Variants in LRRC8D observed in about 807,000 individuals in gnomAD.
LRRC8D encodes the protein volume-regulated anion channel subunit LRRC8D.
A neutral mutation model predicts 55.8 loss-of-function variants in LRRC8D; 20 were observed. That is an observed-to-expected ratio of 0.36 (90% CI 0.25 to 0.52). The LOEUF is 0.52. Among genes scored for constraint, LRRC8D ranks in the 20% least tolerant of loss-of-function variants. The pLI, the probability that LRRC8D is intolerant of heterozygous loss-of-function variation, is 0.93. For synonymous variants in LRRC8D, 352 were observed against 377.0 expected, an observed-to-expected ratio of 0.93 and a Z score of 0.77; for missense variants, 651 against 1,030.8, an observed-to-expected ratio of 0.63 and a Z score of 5.05.
At chr1:89,853,594 A>ATGTTATTGTCTT (rs1661477896) in intron 2 of LRRC8D, among the ~76,000 whole-genome samples, 1 of 152,192 alleles carries the variant, frequency 6.6e-6, no homozygotes, top group Non-Finnish European at 1.5e-5. Flanking sequence ...TGAAATAATT[A>ATGTTATTGTCTT]TGTTATTGTC....
chr1:89,881,902 C>T (rs1016986304), intron 2 of LRRC8D, among the ~76,000 whole-genome samples: 1 of 152,142 alleles, frequency 6.6e-6, no homozygotes, highest in Non-Finnish European at 1.5e-5. Flanking sequence ...TGGAGTTGGC[C>T]CTGTTAACTT....
At chr1:89,889,739 C>T (rs1477426587) in intron 2 of LRRC8D, among the ~76,000 whole-genome samples, 1 of 151,462 alleles carries the variant, frequency 6.6e-6, no homozygotes, top group Non-Finnish European at 1.5e-5. Context: ...AAAATTTAGC[C>T]AGCTCTTTTG....
chr1:89,847,446 G>T (rs958482344), intron 2 of LRRC8D, among the ~76,000 whole-genome samples: 1 of 152,080 alleles, frequency 6.6e-6, no homozygotes, highest in African/African-American at 2.4e-5. Context: ...TCCTTAATAC[G>T]CAGTGCACTG....
intron 2 of LRRC8D, among the ~76,000 whole-genome samples, chr1:89,858,027 G>A (rs1161101080): frequency 2.6e-5 from 4 of 152,082 alleles, no homozygotes; most frequent in African/African-American, 4.8e-5. Context: ...TCAGGAGTTC[G>A]AGACCAGCCT....
intron 2 of LRRC8D, among the ~76,000 whole-genome samples, chr1:89,869,543 T>C (rs558296333): frequency 6.6e-6 from 1 of 152,248 alleles, no homozygotes; most frequent in African/African-American, 2.4e-5. Flanking sequence ...CTTCAGGATA[T>C]TATCCAGGAG....
intron 2 of LRRC8D, among the ~76,000 whole-genome samples, chr1:89,896,152 T>A (rs1662705847): frequency 6.6e-6 from 1 of 152,198 alleles, no homozygotes; most frequent in Non-Finnish European, 1.5e-5. Context: ...TAACGGCATA[T>A]TGCCGGGACT....
intron 2 of LRRC8D, among the ~76,000 whole-genome samples, chr1:89,916,749 T>C (rs997101246): frequency 2.6e-5 from 4 of 152,150 alleles, no homozygotes; most frequent in Non-Finnish European, 5.9e-5. Context: ...ATTTTTCCCC[T>C]GTCACCACTA....
At chr1:89,827,599 A>C (rs1660794980) in intron 1 of LRRC8D, among the ~76,000 whole-genome samples, 1 of 152,228 alleles carries the variant, frequency 6.6e-6, no homozygotes. Context: ...GGAAAGAGTC[A>C]TCTGAGAGGA....
intron 1 of LRRC8D, among the ~76,000 whole-genome samples, chr1:89,829,967 T>A (rs1212224299): frequency 6.6e-6 from 1 of 152,218 alleles, no homozygotes; most frequent in Non-Finnish European, 1.5e-5. Context: ...CATGTAAAGA[T>A]ATACCTAATA....
chr1:89,896,630 C>G (rs1274952142), intron 2 of LRRC8D, among the ~76,000 whole-genome samples: 2 of 152,084 alleles, frequency 1.3e-5, no homozygotes, highest in Non-Finnish European at 2.9e-5. Flanking sequence ...TAGTGAGAAC[C>G]CAGCACAGAG....
chr1:89,907,731 G>A (rs1358312811), intron 2 of LRRC8D, among the ~76,000 whole-genome samples: 1 of 152,134 alleles, frequency 6.6e-6, no homozygotes, highest in Non-Finnish European at 1.5e-5. Flanking sequence ...ACAGCATTTT[G>A]TTCATACTCC....
intron 2 of LRRC8D, among the ~76,000 whole-genome samples, chr1:89,855,030 C>T (rs1661516603): frequency 6.6e-6 from 1 of 152,166 alleles, no homozygotes; most frequent in Admixed American, 6.5e-5. Flanking sequence ...GAAGGTGATG[C>T]TCTTTGCATT....
At chr1:89,864,576 CCAT>C (rs1007384493) in intron 2 of LRRC8D, among the ~76,000 whole-genome samples, 17 of 152,262 alleles carry the variant, frequency 1.1e-4, no homozygotes, top group African/African-American at 4.1e-4. Context: ...GTTGCGGCCT[CCAT>C]CATGTTTTGC....
At chr1:89,866,110 T>C (rs887479716) in intron 2 of LRRC8D, among the ~76,000 whole-genome samples, 5 of 152,368 alleles carry the variant, frequency 3.3e-5, no homozygotes, top group Middle Eastern at 3.4e-3. Context: ...CTTGGTGTGT[T>C]TCTGCAGATT....
intron 2 of LRRC8D, among the ~76,000 whole-genome samples, chr1:89,930,328 G>T (rs1663672733): frequency 6.6e-6 from 1 of 152,170 alleles, no homozygotes; most frequent in Non-Finnish European, 1.5e-5. Context: ...CCAAGTAGCT[G>T]GGATTAAAGC....
intron 2 of LRRC8D, among the ~76,000 whole-genome samples, chr1:89,891,374 T>C (rs1045886957): frequency 6.6e-6 from 1 of 152,238 alleles, no homozygotes; most frequent in Non-Finnish European, 1.5e-5. Flanking sequence ...CTGATATGTT[T>C]TATTACTGGT....
At chr1:89,829,319 CT>C in intron 1 of LRRC8D, among the ~76,000 whole-genome samples, 1 of 152,322 alleles carries the variant, frequency 6.6e-6, no homozygotes, top group Non-Finnish European at 1.5e-5. Context: ...TACATGCATT[CT>C]CATATAATCC....
chr1:89,869,354 G>A (rs1028970306), intron 2 of LRRC8D, among the ~76,000 whole-genome samples: 1 of 152,182 alleles, frequency 6.6e-6, no homozygotes, highest in Non-Finnish European at 1.5e-5. Flanking sequence ...AGTATCAATA[G>A]CTGAATCGAT....
chr1:89,934,975 A>G lies in LRRC8D; in HGVS notation c.1907A>G (p.Asn636Ser). 1 of 1,614,130 alleles carries G rather than the reference A, an allele frequency of 6.2e-7. No homozygotes were observed. Among genetic ancestry groups the G allele is most frequent in the South Asian group, 1.1e-5 (1 of 91,088 alleles). ...CTGAACAGCCTTAAGAAAATGATGA[A>G]TGTCGCTGAGCTGGAACTCCAGAAC... is the stretch of plus-strand genomic sequence containing the variant. The part of the protein sequence containing the change: ...LVLNSLKKMM[N>S]VAELELQNCE... The change falls in exon 3 of 3, where the codon AAT (asparagine) becomes AGT (serine). Residue 636 changes from asparagine (N) to serine (S), a missense_variant. Around this residue, in one of 5 missense-constraint regions of LRRC8D, gnomAD observed 338 missense variants for 479.4 expected, o/e 0.71. Transcript: ENST00000337338. This position sits in a 1 kb window ranked among gnomAD's most constrained non-coding sequence, Gnocchi z 5.9.
Sources: gnomAD v4.1 joint callset for allele counts (sites outside exome capture counted in the v4.1 genomes callset) on GRCh38, gnomAD v4.1.1 for gene constraint, gnomAD v4.1.1 regional missense constraint, Gnocchi (gnomAD v3.1) non-coding constraint, MANE v1.5 for transcripts, NCBI Gene and HGNC (gene_info 2026-07-23, HGNC 2026-07-21) for gene names.